Variants in CDH22 observed in about 807,000 individuals in gnomAD.
CDH22 encodes the protein cadherin 22, also known as cadherin-22.
A neutral mutation model predicts 58.4 loss-of-function variants in CDH22; 30 were observed. The ratio of observed to expected loss-of-function variants is 0.51; its 90% CI spans 0.38 to 0.70. The LOEUF is 0.70. CDH22 is among the 30% of genes least tolerant of loss of function. The probability of loss-of-function intolerance (pLI) is 0.00; values close to 1 mark genes in which losing one functional copy is unlikely to be tolerated. For missense variants in CDH22, 1,014 were observed against 1,233.9 expected (o/e 0.82, Z 2.67); for synonymous variants, 513 against 558.2 (o/e 0.92, Z 1.14).
chr20:46,217,823 A>G (rs1004701857), intron 4 of CDH22, among the ~76,000 whole-genome samples: 2 of 152,172 alleles, frequency 1.3e-5, no homozygotes, highest in African/African-American at 4.8e-5. Flanking sequence ...ATCCTCCCAC[A>G]CAAACACACA....
In CDH22 at chr20:46,199,427, C is replaced by T; in HGVS notation, c.1419G>A (p.Glu473=). The T allele has an allele frequency of 1.2e-6, 2 of 1,610,046 alleles. No individual in the cohort carries two copies. Among genetic ancestry groups the T allele is most frequent in the Non-Finnish European group, 1.7e-6 (2 of 1,179,398 alleles). The change falls in exon 8 of 12, where the codon GAG becomes GAA. Residue 473 remains glutamate (E), a synonymous_variant. Transcript: ENST00000537909. ...GGGGCGTGGCGCCCAGCTCACCCGC[C>T]TCCATGGCCAGCACTGTGATGTTGT... ...GWHNITVLAM[E]ADNHAQLSRA... is the part of the protein sequence containing the mutation.
chr20:46,174,592 A>G lies in CDH22; in HGVS notation c.2401T>C (p.Tyr801His), dbSNP rs993617350. 57 of 1,533,968 alleles carry G rather than the reference A, an allele frequency of 3.7e-5. No homozygotes were observed. The highest frequency in any genetic ancestry group is 5.5e-5 in the African/African-American group (4 of 72,316). Residue 801 changes from tyrosine (Y) to histidine (H), a missense_variant, in exon 12 of 12, where the codon TAT becomes CAT. Tyr to His is a moderately conservative substitution (Grantham distance 83, BLOSUM62 2). Coordinates refer to ENST00000537909, the MANE Select transcript of CDH22 (RefSeq NM_021248.3). The surrounding 1 kb of genome is among the most constrained non-coding windows in gnomAD (Gnocchi z 4.4). ...AAGCGCGGACCCCAGCTGCTGAGATAGGCGAAGTCCTGCTCGGAGCCCGAC... is the reference window on the plus strand; with the variant it reads ...AAGCGCGGACCCCAGCTGCTGAGATGGGCGAAGTCCTGCTCGGAGCCCGAC... ...GSSGSEQDFAYLSSWGPRFRP... is the reference protein window; with the variant it reads ...GSSGSEQDFAHLSSWGPRFRP...
At chr20:46,194,639 A>T (rs2085886294) in intron 8 of CDH22, among the ~76,000 whole-genome samples, 1 of 152,224 alleles carries the variant, frequency 6.6e-6, no homozygotes. Flanking sequence ...GAGGCACATT[A>T]TTTCTAATCC....
intron 1 of CDH22, among the ~76,000 whole-genome samples, chr20:46,252,115 G>T (rs1320077243): frequency 6.6e-6 from 1 of 151,852 alleles, no homozygotes; most frequent in Non-Finnish European, 1.5e-5. Flanking sequence ...CAAGACCCAG[G>T]CCTCCTTGGT....
At chr20:46,274,489 A>G (rs2086507873) in intron 1 of CDH22, among the ~76,000 whole-genome samples, 1 of 152,244 alleles carries the variant, frequency 6.6e-6, no homozygotes. Context: ...ATTATTCTCC[A>G]CATGGCAGTC....
At chr20:46,227,354 C>T (rs1160220898) in intron 4 of CDH22, among the ~76,000 whole-genome samples, 154 bp downstream of exon 4, 1 of 152,182 alleles carries the variant, frequency 6.6e-6, no homozygotes, top group Non-Finnish European at 1.5e-5. Flanking sequence ...TCTCCGCGAC[C>T]CTGGACTCTC....
chr20:46,241,718 G>C lies in CDH22; in HGVS notation c.256-461C>G, dbSNP rs570379605. ...ACAAAAATGCCACCTCTTTCAGAAA[G>C]CTTTTCTGGATCCTCAGTCTCCCCC... is the stretch of plus-strand genomic sequence containing the variant. On this transcript the variant is annotated intron_variant, in intron 2 of 11. Coordinates refer to ENST00000537909, the MANE Select transcript of CDH22 (RefSeq NM_021248.3). This position sits in a 1 kb window ranked among gnomAD's most constrained non-coding sequence, Gnocchi z 5.2. Among the ~76,000 whole-genome samples, 350 of 152,256 alleles carry C rather than the reference G, an allele frequency of 2.3e-3. No individual in the cohort carries two copies. The highest frequency in any genetic ancestry group is 3.4e-3 in the Non-Finnish European group (230 of 68,038).
At chr20:46,185,848 G>C (rs1439792772) in intron 10 of CDH22, among the ~76,000 whole-genome samples, 1 of 152,158 alleles carries the variant, frequency 6.6e-6, no homozygotes, top group Non-Finnish European at 1.5e-5. Flanking sequence ...CTGGGTGACA[G>C]AGCAAGACCT....
chr20:46,223,167 G>A (rs2086138655), intron 4 of CDH22, among the ~76,000 whole-genome samples: 1 of 152,154 alleles, frequency 6.6e-6, no homozygotes, highest in Non-Finnish European at 1.5e-5. Context: ...CTGACCTCTT[G>A]GGAACTGTTC....
intron 1 of CDH22, among the ~76,000 whole-genome samples, chr20:46,278,061 A>AAGG (rs893910767): frequency 8.0e-4 from 121 of 151,684 alleles, no homozygotes; most frequent in African/African-American, 2.6e-3. Flanking sequence ...GACAGGTGAC[A>AAGG]AGGAGGAGGA....
intron 1 of CDH22, among the ~76,000 whole-genome samples, chr20:46,272,610 C>T (rs2086497070): frequency 6.6e-6 from 1 of 152,186 alleles, no homozygotes; most frequent in Non-Finnish European, 1.5e-5. Context: ...AAGAGACTGT[C>T]ATGGAAACCA....
chr20:46,280,547 C>T (rs559277640), intron 1 of CDH22, among the ~76,000 whole-genome samples: 23 of 152,300 alleles, frequency 1.5e-4, no homozygotes, highest in African/African-American at 5.3e-4. Context: ...GCAGAAGTAC[C>T]ACAGTCCCAT....
intron 1 of CDH22, among the ~76,000 whole-genome samples, chr20:46,277,264 G>T (rs1419275460): frequency 3.9e-5 from 6 of 152,086 alleles, no homozygotes; most frequent in Admixed American, 3.3e-4. Flanking sequence ...AGACATATAT[G>T]GTGGTGTATG....
rs746228958 is a variant in CDH22, at chr20:46,178,233, G to A, written c.1664-36C>T. The A allele has an allele frequency of 3.8e-6, 6 of 1,596,388 alleles. No homozygotes were observed. In the African/African-American group the frequency reaches 5.4e-5, roughly 14 times the overall value. On this transcript the variant is annotated intron_variant, in intron 10 of 11. Coordinates refer to ENST00000537909, the MANE Select transcript of CDH22 (RefSeq NM_021248.3). Reference sequence around the variant, plus strand: ...AGAAGGGGGAGCGGTGTGACTTGGGGCCGGGGGTCAGCATCCTTGTCCTAG... The same window carrying A: ...AGAAGGGGGAGCGGTGTGACTTGGGACCGGGGGTCAGCATCCTTGTCCTAG...
At chr20:46,211,190 T>A (rs2086040673) in intron 6 of CDH22, among the ~76,000 whole-genome samples, 1 of 152,248 alleles carries the variant, frequency 6.6e-6, no homozygotes, top group Non-Finnish European at 1.5e-5. Context: ...CTCTGATGAA[T>A]GAGCTCCATG....
intron 2 of CDH22, among the ~76,000 whole-genome samples, chr20:46,244,969 C>T (rs2086317874): frequency 6.6e-6 from 1 of 152,216 alleles, no homozygotes; most frequent in Non-Finnish European, 1.5e-5. Context: ...GTGCATGACC[C>T]TGGGCAAGTG....
intron 1 of CDH22, among the ~76,000 whole-genome samples, chr20:46,307,960 G>A (rs1251034937): frequency 6.6e-6 from 1 of 151,790 alleles, no homozygotes; most frequent in Non-Finnish European, 1.5e-5. Context: ...GCTCCCGGGC[G>A]CGCGGCGGAC....
chr20:46,253,378 C>T (rs1831298805), intron 1 of CDH22, among the ~76,000 whole-genome samples: 1 of 152,054 alleles, frequency 6.6e-6, no homozygotes, highest in African/African-American at 2.4e-5. Context: ...TAGTTCTGGG[C>T]AATGAGAGTG....
Position 46,210,463 on chromosome 20 carries a change from T to TCG in CDH22, c.1128_1129dup (p.Asp377AlafsTer10). The TCG allele has an allele frequency of 7.0e-7, 1 of 1,434,158 alleles. No individual in the cohort carries two copies. Among genetic ancestry groups the TCG allele is most frequent in the Non-Finnish European group, 9.2e-7 (1 of 1,090,986 alleles). The allele number at this position is 1,434,158 out of a possible 1,614,324, so 88.8% of individuals were successfully genotyped here. The stretch of plus-strand genomic sequence containing the variant: ...CACGGCCACGCGCACGATCGCCTGG[T>TCG]CGCGGAACGTGCCCAGGTCGGCGAA... On this transcript the variant is annotated frameshift_variant, in exon 7 of 12. Transcript: ENST00000537909. LOFTEE classifies it high-confidence loss of function. This position sits in a 1 kb window ranked among gnomAD's most constrained non-coding sequence, Gnocchi z 4.5.
Sources: allele counts gnomAD v4.1 joint callset (sites outside exome capture counted in the v4.1 genomes callset), GRCh38; gene constraint gnomAD v4.1.1; non-coding constraint Gnocchi (gnomAD v3.1); transcripts MANE v1.5; gene names NCBI Gene and HGNC (gene_info 2026-07-23, HGNC 2026-07-21).